Variants in KCNIP2 observed in about 807,000 individuals in gnomAD.
KCNIP2 encodes the protein A-type potassium channel modulatory protein KCNIP2.
In KCNIP2, 19 loss-of-function variants were observed where a neutral mutation model predicts 39.0. The observed-to-expected ratio is 0.49, with a 90% CI of 0.34 to 0.71. The LOEUF (loss-of-function observed/expected upper bound fraction) is 0.71. KCNIP2 is among the 30% of genes least tolerant of loss of function. The pLI is 0.01. For missense variants in KCNIP2, 261 were observed against 346.0 expected (o/e 0.75, Z 1.95); for synonymous variants, 111 against 131.2 (o/e 0.85, Z 1.05).
chr10:101,829,607 G>T, intron 3 of KCNIP2: 1 of 58,704 alleles, frequency 1.7e-5, no homozygotes, highest in Non-Finnish European at 3.5e-5. Context: ...GCCTTGCCCC[G>T]CCCAAACCCT....
rs1331462859 is a variant in KCNIP2, at chr10:101,828,756, C to T, written c.349-60G>A. Reference sequence around the variant, plus strand: ...CAAAATCCCCTTCCGTTCACCGCCCCCACCCTCCATGGCCCAAGACTCCCA... The same window carrying T: ...CAAAATCCCCTTCCGTTCACCGCCCTCACCCTCCATGGCCCAAGACTCCCA... On this transcript the variant is annotated intron_variant, in intron 4 of 9. Transcript: ENST00000356640. This position sits in a 1 kb window ranked among gnomAD's most constrained non-coding sequence, Gnocchi z 6.6. 4.3e-6 allele frequency: 7 copies of T among 1,613,132 alleles called. No individual in the cohort carries two copies. The highest frequency in any genetic ancestry group is 1.7e-5 in the Admixed American group (1 of 60,002).
At chr10:101,833,533 G>A (rs938576453) in intron 1 of KCNIP2, among the ~76,000 whole-genome samples, 1 of 152,012 alleles carries the variant, frequency 6.6e-6, no homozygotes, top group Non-Finnish European at 1.5e-5. Flanking sequence ...CCAAGCCTTG[G>A]GTATGGAGCT....
At chr10:101,827,461 G>C in intron 9 of KCNIP2, 61 bp from the exon 10 acceptor site, 1 of 1,530,504 alleles carries the variant, frequency 6.5e-7, no homozygotes, top group Non-Finnish European at 9.0e-7. Context: ...GCTTATCAGA[G>C]ACAGTGAGAG....
intron 2 of KCNIP2, among the ~76,000 whole-genome samples, chr10:101,830,681 CCACACACACACACACA>C (rs61337190): frequency 2.1e-5 from 3 of 145,196 alleles, no homozygotes; most frequent in Non-Finnish European, 3.0e-5. Flanking sequence ...CTGGTCACGC[CCACACACACACACACA>C]CACACACACA....
rs536524979 is a variant in KCNIP2, at chr10:101,828,616, T to C, written c.418+11A>G. On this transcript the variant is annotated intron_variant, in intron 5 of 9. Transcript: ENST00000356640. This position sits in a 1 kb window ranked among gnomAD's most constrained non-coding sequence, Gnocchi z 6.6. ...AGGACAACTGCTTCCCCTTGGGCCT[T>C]GTCCCCTCACCTCCTTGAGGAAAGA... 1 of 1,613,616 alleles carries C rather than the reference T, an allele frequency of 6.2e-7. No individual in the cohort carries two copies.
intron 8 of KCNIP2, 28 bp from the exon 9 acceptor site, chr10:101,827,779 A>C (rs950229053): frequency 4.4e-6 from 7 of 1,579,298 alleles, no homozygotes; most frequent in Non-Finnish European, 5.2e-6. Context: ...GGCAGGGAGA[A>C]CAGGAGGGAT....
chr10:101,840,061 G>A (rs955870485), intron 1 of KCNIP2, among the ~76,000 whole-genome samples: 1 of 151,764 alleles, frequency 6.6e-6, no homozygotes, highest in Non-Finnish European at 1.5e-5. Context: ...CCTGGACGGG[G>A]GGGGGGGGTG....
chr10:101,828,932 C>T lies in KCNIP2; in HGVS notation c.348+143G>A. ...TTCCGTTCTGGCCCCGCCCCAGAAC[C>T]TCCAGCTAGAAGTTCAGTCTCAGGG... On this transcript the variant is annotated intron_variant, in intron 4 of 9. Transcript: ENST00000356640. This position sits in a 1 kb window ranked among gnomAD's most constrained non-coding sequence, Gnocchi z 6.6. 1 of 1,501,538 alleles carries T rather than the reference C, an allele frequency of 6.7e-7. No homozygotes were observed. 93.0% of individuals were successfully genotyped at this position (1,501,538 alleles called of 1,614,324 possible). A position where few individuals can be genotyped will look rare whatever the true frequency, so the allele number is the denominator to read the frequency against.
intron 1 of KCNIP2, among the ~76,000 whole-genome samples, chr10:101,836,990 G>A (rs775023632): frequency 1.2e-4 from 19 of 152,204 alleles, no homozygotes; most frequent in Middle Eastern, 3.4e-3. Context: ...TTAGCCTGGC[G>A]TGGTGGCACA....
Position 101,828,740 on chromosome 10 carries a change from CT to C in KCNIP2, c.349-45del. 3 of 1,613,882 alleles carry C rather than the reference CT, an allele frequency of 1.9e-6. No homozygotes were observed. Among genetic ancestry groups the C allele is most frequent in the Non-Finnish European group, 2.5e-6 (3 of 1,179,798 alleles). ...AGGCTGAGGGCAGAGACAAAATCCC[CT>C]TCCGTTCACCGCCCCCACCCTCCAT... On this transcript the variant is annotated intron_variant, in intron 4 of 9. Transcript: ENST00000356640. The surrounding 1 kb of genome is among the most constrained non-coding windows in gnomAD (Gnocchi z 6.6).
intron 1 of KCNIP2, chr10:101,839,979 T>C: frequency 1.9e-6 from 1 of 531,074 alleles, no homozygotes; most frequent in Non-Finnish European, 2.9e-6. Context: ...CCTGGAGCCT[T>C]CCCATGTTCT....
rs549352738 is a variant in KCNIP2 at position 101,843,187 on chromosome 10, A to G, written c.73+309T>C. Reference sequence around the variant, plus strand: ...AACCAGCTGTGGGAGGTGCGCGCGCACACACACACACACACACAGAATGAC... The same window carrying G: ...AACCAGCTGTGGGAGGTGCGCGCGCGCACACACACACACACACAGAATGAC... On this transcript the variant is annotated intron_variant, in intron 1 of 9. Coordinates refer to ENST00000356640, the MANE Select transcript of KCNIP2 (RefSeq NM_173191.3). The surrounding 1 kb of genome is among the most constrained non-coding windows in gnomAD (Gnocchi z 6.7). 0.01 allele frequency among the ~76,000 whole-genome samples: 1,558 copies of G among 150,482 alleles called. 19 individuals carry two copies. Among genetic ancestry groups the G allele is most frequent in the African/African-American group, 0.034 (1,374 of 40,980 alleles).
Position 101,827,705 on chromosome 10 carries a change from A to T in KCNIP2, c.749T>A (p.Ile250Asn), listed in dbSNP as rs776347807. 19 of 1,614,144 alleles carry T rather than the reference A, an allele frequency of 1.2e-5. No homozygotes were observed. The highest frequency in any genetic ancestry group is 1.4e-5 in the Non-Finnish European group (17 of 1,179,956). Reference protein sequence around the residue: ...KDGVVTIEEFIESCQKDENIM... With the variant: ...KDGVVTIEEFNESCQKDENIM... ...GAGCTGTACCTTTTGACAAGACTCAATGAATTCCTCAATGGTCACCACACC... is the reference window on the plus strand; with the variant it reads ...GAGCTGTACCTTTTGACAAGACTCATTGAATTCCTCAATGGTCACCACACC... Residue 250 changes from isoleucine (I) to asparagine (N), a missense_variant, in exon 9 of 10, where the codon ATT (isoleucine) becomes AAT (asparagine). Coordinates refer to ENST00000356640, the MANE Select transcript of KCNIP2 (RefSeq NM_173191.3).
chr10:101,830,018 G>C (rs2065911792), intron 2 of KCNIP2, 121 bp from the exon 3 acceptor site: 3 of 1,141,502 alleles, frequency 2.6e-6, no homozygotes, highest in Admixed American at 2.5e-5. Flanking sequence ...CACCCAACCA[G>C]CACAGACACA....
chr10:101,837,455 G>C (rs2066198021), intron 1 of KCNIP2, among the ~76,000 whole-genome samples: 1 of 152,214 alleles, frequency 6.6e-6, no homozygotes, highest in South Asian at 2.1e-4. Context: ...TGGATCACAA[G>C]GTCAGGAGTT....
rs2065849022 is a variant in KCNIP2 at position 101,828,845 on chromosome 10, G to C, written c.349-149C>G. 6.4e-7 allele frequency: 1 copy of C among 1,564,784 alleles called. No homozygotes were observed. Among genetic ancestry groups the C allele is most frequent in the South Asian group, 1.2e-5 (1 of 86,010 alleles). On this transcript the variant is annotated intron_variant, in intron 4 of 9. Coordinates refer to ENST00000356640, the MANE Select transcript of KCNIP2 (RefSeq NM_173191.3). This position sits in a 1 kb window ranked among gnomAD's most constrained non-coding sequence, Gnocchi z 6.6. Reference sequence around the variant, plus strand: ...ACGTGGCTCATGTGATGGGAGGGAAGACTTCTTTCCCAGTGCACAAATAAA... The same window carrying C: ...ACGTGGCTCATGTGATGGGAGGGAACACTTCTTTCCCAGTGCACAAATAAA...
In KCNIP2 at chr10:101,827,223, G is replaced by A. The variant is rs2065771496; in HGVS notation, c.*130C>T. The A allele has an allele frequency of 7.3e-7, 1 of 1,378,586 alleles. No homozygotes were observed. Among genetic ancestry groups the A allele is most frequent in the Admixed American group, 2.5e-5 (1 of 40,388 alleles). The allele number at this position is 1,378,586 out of a possible 1,614,324, so 85.4% of individuals were successfully genotyped here. ...GAGATCTGGACTACTGAATCCCCAAGCTCTTGGATCCCTCCAGCCCCCAGG... is the reference window on the plus strand; with the variant it reads ...GAGATCTGGACTACTGAATCCCCAAACTCTTGGATCCCTCCAGCCCCCAGG... On this transcript the variant is annotated 3_prime_UTR_variant, in exon 10 of 10. Coordinates refer to ENST00000356640, the MANE Select transcript of KCNIP2 (RefSeq NM_173191.3).
Position 101,828,495 on chromosome 10 carries a change from A to G in KCNIP2, c.419-36T>C. 2 of 1,609,732 alleles carry G rather than the reference A, an allele frequency of 1.2e-6. No individual in the cohort carries two copies. The highest frequency in any genetic ancestry group is 1.7e-6 in the Non-Finnish European group (2 of 1,176,456). ...AGTGTGGAGAAGTTGGCTTCCACAC[A>G]GGAGAGGACTTCCTCCCTCTAAGGA... On this transcript the variant is annotated intron_variant, in intron 5 of 9. Coordinates refer to ENST00000356640, the MANE Select transcript of KCNIP2 (RefSeq NM_173191.3). The surrounding 1 kb of genome is among the most constrained non-coding windows in gnomAD (Gnocchi z 6.6).
Position 101,843,637 on chromosome 10 carries a change from C to T in KCNIP2, c.-69G>A. The T allele has an allele frequency of 1.1e-6, 1 of 896,918 alleles. No homozygotes were observed. Among genetic ancestry groups the T allele is most frequent in the Non-Finnish European group, 1.6e-6 (1 of 625,184 alleles). 55.6% of individuals were successfully genotyped at this position (896,918 alleles called of 1,614,324 possible). On this transcript the variant is annotated 5_prime_UTR_variant, in exon 1 of 10. It adds an upstream start codon to the 5' untranslated region. Coordinates refer to ENST00000356640, the MANE Select transcript of KCNIP2 (RefSeq NM_173191.3). The surrounding 1 kb of genome is among the most constrained non-coding windows in gnomAD (Gnocchi z 6.7). ...CCGGGTGGCCGGGATAGGGCGCTCA[C>T]ACGGCGCCCCCTGGCGGCCTACTGT...
Sources: gnomAD v4.1 joint callset for allele counts (sites outside exome capture counted in the v4.1 genomes callset) on GRCh38, gnomAD v4.1.1 for gene constraint, Gnocchi (gnomAD v3.1) non-coding constraint, MANE v1.5 for transcripts, NCBI Gene and HGNC (gene_info 2026-07-23, HGNC 2026-07-21) for gene names.